Variants in NXN observed in about 807,000 individuals in gnomAD.
The protein encoded by NXN is nucleoredoxin 1.
A neutral mutation model predicts 48.6 loss-of-function variants in NXN; 16 were observed. The ratio of observed to expected loss-of-function variants is 0.33; its 90% CI spans 0.22 to 0.50. The LOEUF is 0.50. Among genes scored for constraint, NXN ranks in the 20% least tolerant of loss-of-function variants. The probability of loss-of-function intolerance (pLI) is 0.98; values close to 1 mark genes in which losing one functional copy is unlikely to be tolerated. For synonymous variants in NXN, 281 were observed against 269.6 expected, an observed-to-expected ratio of 1.04 and a Z score of -0.41; for missense variants, 492 against 605.5, an observed-to-expected ratio of 0.81 and a Z score of 1.97.
chr17:862,029 C>A (rs573325320), intron 1 of NXN, among the ~76,000 whole-genome samples: 3 of 152,092 alleles, frequency 2.0e-5, no homozygotes, highest in Non-Finnish European at 4.4e-5. Context: ...CGGGGTTTCA[C>A]CACGTTTCCC....
chr17:871,108 A>G (rs913804973), intron 1 of NXN, among the ~76,000 whole-genome samples: 86 of 151,692 alleles, frequency 5.7e-4, no homozygotes, highest in African/African-American at 1.9e-3. Context: ...TGATCCGCCC[A>G]CCTCGGCCTC....
At chr17:851,482 G>T (rs1233429530) in intron 1 of NXN, among the ~76,000 whole-genome samples, 1 of 152,226 alleles carries the variant, frequency 6.6e-6, no homozygotes, top group Non-Finnish European at 1.5e-5. Flanking sequence ...GAAAGAGCAG[G>T]GTGGCAAAGT....
intron 1 of NXN, among the ~76,000 whole-genome samples, chr17:889,761 A>AAGAAAGAAAAAGAAAG (rs1555619043): frequency 1.3e-4 from 9 of 70,820 alleles, no homozygotes; most frequent in South Asian, 4.6e-4. Context: ...GAAAGAAAGA[A>AAGAAAGAAAAAGAAAG]AAAGAAAGAA....
intron 1 of NXN, among the ~76,000 whole-genome samples, chr17:885,672 CTTTTTTTTTTTTTTT>C (rs532225883): frequency 4.8e-5 from 4 of 83,748 alleles, no homozygotes; most frequent in African/African-American, 6.6e-5. Context: ...GCGGTACTCG[CTTTTTTTTTTTTTTT>C]TTTTTTTTTT....
intron 1 of NXN, among the ~76,000 whole-genome samples, chr17:869,193 C>T (rs1452897605): frequency 3.9e-5 from 6 of 152,162 alleles, no homozygotes; most frequent in Non-Finnish European, 7.3e-5. Context: ...AACTTCCCAG[C>T]ACAGATCTGT....
chr17:970,539 C>A (rs1194918811), intron 1 of NXN, among the ~76,000 whole-genome samples: 1 of 150,754 alleles, frequency 6.6e-6, no homozygotes, highest in African/African-American at 2.4e-5. Flanking sequence ...GCGAATGTTT[C>A]AAGCCGTTCA....
At position 800,484 on chromosome 17, in the gene NXN, T is replaced by A. The variant is rs140665826; in HGVS notation, c.*465A>T. ...AGACTGTGTTGCTTAGAAAAGGACG[T>A]CCTCACCCGCAGCTCTAAGCGGAGG... On this transcript the variant is annotated 3_prime_UTR_variant, in exon 8 of 8. Transcript: ENST00000336868. 478 of 153,278 alleles carry A rather than the reference T, an allele frequency of 3.1e-3. 3 individuals are homozygous for A. The highest frequency in any genetic ancestry group is 0.011 in the African/African-American group (452 of 41,616). The allele number at this position is 153,278 out of a possible 1,614,324, so 9.5% of individuals were successfully genotyped here. A position where few individuals can be genotyped will look rare whatever the true frequency, so the allele number is the denominator to read the frequency against.
Position 853,083 on chromosome 17 carries a change from TTC to T in NXN, c.361-27007_361-27006del, listed in dbSNP as rs369285019. Among the ~76,000 whole-genome samples, 54 of 151,876 alleles carry T rather than the reference TTC, an allele frequency of 3.6e-4. 2 individuals are homozygous for T. Among genetic ancestry groups the T allele is most frequent in the African/African-American group, 1.3e-3 (54 of 41,472 alleles). The stretch of plus-strand genomic sequence containing the variant: ...AGCTCCACCCCCTGGGTTCAAGCGA[TTC>T]TCCTGCTTCAGCCTCCTGAGTAGTT... On this transcript the variant is annotated intron_variant, in intron 1 of 7. Transcript: ENST00000336868.
intron 1 of NXN, among the ~76,000 whole-genome samples, chr17:896,469 G>T (rs976325690): frequency 1.3e-5 from 2 of 151,316 alleles, no homozygotes; most frequent in South Asian, 4.2e-4. Context: ...ATCGTGCCAC[G>T]GCACTCCAGC....
intron 5 of NXN, 43 bp from the exon 6 acceptor site, chr17:805,290 C>G (rs1171377561): frequency 2.6e-6 from 4 of 1,561,954 alleles, no homozygotes; most frequent in African/African-American, 1.4e-5. Flanking sequence ...CCGGGAGATG[C>G]TGGCCCTGCC....
intron 1 of NXN, among the ~76,000 whole-genome samples, chr17:913,234 A>G (rs1047904361): frequency 1.3e-5 from 2 of 152,142 alleles, no homozygotes; most frequent in African/African-American, 4.8e-5. Flanking sequence ...ATCCTTCCCG[A>G]TTTTGTAAAA....
chr17:904,455 T>C (rs1567856518), intron 1 of NXN, among the ~76,000 whole-genome samples: 1 of 152,196 alleles, frequency 6.6e-6, no homozygotes, highest in East Asian at 1.9e-4. Flanking sequence ...CTCTCTCTGA[T>C]GTGGTGATTT....
At position 803,784 on chromosome 17, in the gene NXN, G is replaced by A. The variant is rs61731771; in HGVS notation, c.1023C>T (p.Ser341=). 4.4e-5 allele frequency: 71 copies of A among 1,614,156 alleles called. No individual in the cohort carries two copies. In the African/African-American group the frequency reaches 4.9e-4, roughly 11 times the overall value. Residue 341 remains serine, a synonymous_variant, in exon 7 of 8, where the codon TCC becomes TCT. Coordinates refer to ENST00000336868, the MANE Select transcript of NXN (RefSeq NM_022463.5). ...LFVDSEDDGE[S]EAAKQLIQPI... is the part of the protein sequence containing the mutation. The stretch of plus-strand genomic sequence containing the variant: ...GCTGAATCAGCTGCTTGGCCGCCTC[G>A]GACTCTCCGTCATCCTCAGAATCTG...
At chr17:842,431 G>A in intron 1 of NXN, 2 of 774,886 alleles carry the variant, frequency 2.6e-6, no homozygotes, top group Non-Finnish European at 3.1e-6. Context: ...GTCCGGCTGT[G>A]GGCTGCAGTT....
At chr17:864,506 G>A (rs1021693549) in intron 1 of NXN, among the ~76,000 whole-genome samples, 1 of 152,210 alleles carries the variant, frequency 6.6e-6, no homozygotes, top group Non-Finnish European at 1.5e-5. Flanking sequence ...GGCTCTGCCC[G>A]TTCAAACGGC....
intron 1 of NXN, among the ~76,000 whole-genome samples, chr17:848,295 G>A (rs183262890): frequency 9.9e-4 from 150 of 152,148 alleles, no homozygotes; most frequent in Non-Finnish European, 1.2e-3. Flanking sequence ...CCACCACCAC[G>A]CCCGGCTAAT....
intron 1 of NXN, among the ~76,000 whole-genome samples, chr17:976,757 G>A (rs2069463527): frequency 6.7e-6 from 1 of 149,282 alleles, no homozygotes; most frequent in Non-Finnish European, 1.5e-5. Flanking sequence ...TTTCAAGGGG[G>A]AAAATAATTC....
intron 1 of NXN, among the ~76,000 whole-genome samples, chr17:912,825 G>A (rs780141492): frequency 2.6e-5 from 4 of 152,016 alleles, no homozygotes; most frequent in African/African-American, 4.8e-5. Flanking sequence ...GTGGTGGTAC[G>A]TGTCTGTAAT....
At chr17:814,224 A>C (rs1365553676) in intron 5 of NXN, among the ~76,000 whole-genome samples, 1 of 152,034 alleles carries the variant, frequency 6.6e-6, no homozygotes, top group East Asian at 1.9e-4. Context: ...GCGCCACTGC[A>C]CTCCAGCCTG....
Sources: allele counts gnomAD v4.1 joint callset (sites outside exome capture counted in the v4.1 genomes callset), GRCh38; gene constraint gnomAD v4.1.1; transcripts MANE v1.5; gene names NCBI Gene and HGNC (gene_info 2026-07-23, HGNC 2026-07-21).